SMARCB1: variants seen among roughly 807,000 people sequenced by gnomAD.
The protein encoded by SMARCB1 is SWI/SNF related BAF chromatin remodeling complex subunit B1.
In SMARCB1, 5 loss-of-function variants were observed where a neutral mutation model predicts 49.0. That is an observed-to-expected ratio of 0.10 (90% CI 0.05 to 0.21). The LOEUF is 0.21. Ranked by LOEUF, SMARCB1 falls within the 10% of genes least tolerant of loss-of-function variation. The pLI is 1.00. For missense variants in SMARCB1, 226 were observed against 509.2 expected, an observed-to-expected ratio of 0.44 and a Z score of 5.35; for synonymous variants, 201 against 200.1, an observed-to-expected ratio of 1.00 and a Z score of -0.04.
At chr22:23,807,804 T>C (rs1317100330) in intron 5 of SMARCB1, among the ~76,000 whole-genome samples, 1 of 149,438 alleles carries the variant, frequency 6.7e-6, no homozygotes, top group Non-Finnish European at 1.5e-5. Context: ...TTTTCTTTTT[T>C]TTTTTTTTGA....
rs5760062 is a variant in SMARCB1, at chr22:23,836,403, C to A, written c.*2223C>A. On this transcript the variant is annotated 3_prime_UTR_variant, in exon 9 of 9. Transcript: ENST00000644036. ...GGCTGGTTTGGCACAACCTAGGAGA[C>A]GCCTGTCCTGGCCCCAGCAGCCGAA... is the stretch of plus-strand genomic sequence containing the variant. 2.0e-4 allele frequency: 197 copies of A among 986,594 alleles called. 1 individual carries two copies. The African/African-American group carries it at 3.2e-3, about 16-fold the overall frequency. 61.1% of individuals were successfully genotyped at this position (986,594 alleles called of 1,614,324 possible).
intron 3 of SMARCB1, among the ~76,000 whole-genome samples, chr22:23,797,990 G>A (rs975281877): frequency 4.6e-5 from 7 of 152,198 alleles, no homozygotes; most frequent in African/African-American, 1.7e-4. Context: ...CATTCACTGT[G>A]TCTAGTGACA....
intron 4 of SMARCB1, chr22:23,801,592 G>A (rs534095522): frequency 8.6e-6 from 3 of 350,796 alleles, no homozygotes; most frequent in Admixed American, 7.7e-5. Context: ...AGAGGCCATC[G>A]AGGCGATTCG....
In SMARCB1 at chr22:23,837,749, C is replaced by G; in HGVS notation, c.*3569C>G. On this transcript the variant is annotated 3_prime_UTR_variant, in exon 9 of 9. Transcript: ENST00000644036. ...AACGGTGCCTGGAAAGTGAGCAGGC[C>G]GAAGAAGTTGACCCTCACCCGAGGG... The G allele has an allele frequency of 2.5e-6, 4 of 1,614,000 alleles. No individual in the cohort carries two copies. Among genetic ancestry groups the G allele is most frequent in the Non-Finnish European group, 3.4e-6 (4 of 1,180,008 alleles).
rs895084043 is a variant in SMARCB1 at position 23,834,600 on chromosome 22, G to A, written c.*420G>A. On this transcript the variant is annotated 3_prime_UTR_variant, in exon 9 of 9. Coordinates refer to ENST00000644036, the MANE Select transcript of SMARCB1 (RefSeq NM_003073.5). ...GGCCGGGGCCTGGGGGGACGAAGGT[G>A]GTATGTGAACAAGGTTGGCACACAG... 19 of 717,650 alleles carry A rather than the reference G, an allele frequency of 2.6e-5. No individual in the cohort carries two copies. Among genetic ancestry groups the A allele is most frequent in the Non-Finnish European group, 4.2e-5 (17 of 405,470 alleles). 44.5% of individuals were successfully genotyped at this position (717,650 alleles called of 1,614,324 possible).
chr22:23,833,819 G>T, intron 8 of SMARCB1, 116 bp downstream of exon 8: 2 of 1,185,038 alleles, frequency 1.7e-6, no homozygotes, highest in South Asian at 2.5e-5. Flanking sequence ...TACCTCTAGT[G>T]CTGCTAGAGG....
intron 5 of SMARCB1, chr22:23,803,784 C>T: frequency 5.4e-6 from 2 of 370,176 alleles, no homozygotes; most frequent in Non-Finnish European, 1.0e-5. Flanking sequence ...TCTGCTTCTG[C>T]TGTGTGAGGC....
At chr22:23,810,527 C>CAAAAAAA (rs201408640) in intron 5 of SMARCB1, among the ~76,000 whole-genome samples, 8 of 79,414 alleles carry the variant, frequency 1.0e-4, no homozygotes, top group African/African-American at 2.2e-4. Flanking sequence ...GACTCTGTCT[C>CAAAAAAA]AAAAAAAAAA....
At chr22:23,789,024 A>AT (rs1568934455) in intron 1 of SMARCB1, among the ~76,000 whole-genome samples, 3 of 151,980 alleles carry the variant, frequency 2.0e-5, no homozygotes, top group African/African-American at 7.3e-5. Context: ...TAATTTTTAT[A>AT]TTTTTAGTAA....
chr22:23,813,879 G>T (rs1930026247), intron 5 of SMARCB1, among the ~76,000 whole-genome samples: 2 of 152,178 alleles, frequency 1.3e-5, no homozygotes, highest in African/African-American at 2.4e-5. Flanking sequence ...GCCCAGGCTG[G>T]AGTGCAGTGG....
At chr22:23,794,492 A>G (rs1443568774) in intron 3 of SMARCB1, among the ~76,000 whole-genome samples, 3 of 152,072 alleles carry the variant, frequency 2.0e-5, no homozygotes, top group African/African-American at 4.8e-5. Context: ...GCCTGGGGCA[A>G]CACAGCAAGA....
intron 3 of SMARCB1, among the ~76,000 whole-genome samples, chr22:23,799,323 A>G (rs1195402843): frequency 1.3e-5 from 2 of 149,714 alleles, no homozygotes; most frequent in Admixed American, 1.4e-4. Context: ...TCTCTCGCCC[A>G]GGCTGGAGTG....
At chr22:23,797,130 C>T (rs1259422972) in intron 3 of SMARCB1, among the ~76,000 whole-genome samples, 11 of 148,148 alleles carry the variant, frequency 7.4e-5, no homozygotes, top group African/African-American at 2.5e-4. Flanking sequence ...TCCCGAGTAG[C>T]TGGGACTACA....
Position 23,801,028 on chromosome 22 carries a change from A to G in SMARCB1, c.447A>G (p.Thr149=), listed in dbSNP as rs780907377. The G allele has an allele frequency of 2.5e-6, 4 of 1,614,088 alleles. No homozygotes were observed. The South Asian group carries it at 3.3e-5, about 13-fold the overall frequency. ...SHHLDAVPCS[T]TINRNRMGRD... ...ACTTAGATGCCGTGCCATGCTCCAC[A>G]ACCATCAACAGGAACCGCATGGGCC... is the stretch of plus-strand genomic sequence containing the variant. Residue 149 remains threonine (T), a synonymous_variant, in exon 4 of 9, where the codon ACA becomes ACG. Transcript: ENST00000644036.
intron 3 of SMARCB1, among the ~76,000 whole-genome samples, chr22:23,798,443 G>C (rs1440443188): frequency 6.6e-6 from 1 of 152,124 alleles, no homozygotes; most frequent in Non-Finnish European, 1.5e-5. Flanking sequence ...TGAGCGGCCA[G>C]GATTAGGAAC....
At chr22:23,825,712 A>G (rs2146027809) in intron 7 of SMARCB1, 2 of 465,540 alleles carry the variant, frequency 4.3e-6, no homozygotes, top group Non-Finnish European at 3.9e-6. Flanking sequence ...ACCATCCACC[A>G]TTCAGTTGTC....
At chr22:23,790,195 A>G (rs768148611) in intron 1 of SMARCB1, among the ~76,000 whole-genome samples, 1 of 152,090 alleles carries the variant, frequency 6.6e-6, no homozygotes, top group Non-Finnish European at 1.5e-5. Flanking sequence ...CAAGGTAGTC[A>G]TAGGGGGGAG....
chr22:23,835,981 T>C lies in SMARCB1; in HGVS notation c.*1801T>C. ...TTACCATGAAAATGACAACCTGTCTTTGGAGGAGGCCCCGTGCCACTGAGC... is the reference window on the plus strand; with the variant it reads ...TTACCATGAAAATGACAACCTGTCTCTGGAGGAGGCCCCGTGCCACTGAGC... On this transcript the variant is annotated 3_prime_UTR_variant, in exon 9 of 9. Coordinates refer to ENST00000644036, the MANE Select transcript of SMARCB1 (RefSeq NM_003073.5). 16 of 985,440 alleles carry C rather than the reference T, an allele frequency of 1.6e-5. No homozygotes were observed. The highest frequency in any genetic ancestry group is 1.9e-5 in the Non-Finnish European group (16 of 829,950). The allele number at this position is 985,440 out of a possible 1,614,324, so 61.0% of individuals were successfully genotyped here.
intron 3 of SMARCB1, among the ~76,000 whole-genome samples, chr22:23,799,920 G>A (rs990458303): frequency 5.3e-5 from 8 of 150,612 alleles, no homozygotes; most frequent in South Asian, 2.1e-4. Context: ...TCCTGACCTC[G>A]TGATCTGCCC....
Sources: allele counts gnomAD v4.1 joint callset (sites outside exome capture counted in the v4.1 genomes callset), GRCh38; gene constraint gnomAD v4.1.1; transcripts MANE v1.5; gene names NCBI Gene and HGNC (gene_info 2026-07-23, HGNC 2026-07-21).